CPEB2: variants seen among roughly 807,000 people sequenced by gnomAD.
CPEB2 encodes the protein cytoplasmic polyadenylation element binding protein 2.
A neutral mutation model predicts 93.6 loss-of-function variants in CPEB2; 56 were observed. The ratio of observed to expected loss-of-function variants is 0.60; its 90% CI spans 0.48 to 0.75. The LOEUF (loss-of-function observed/expected upper bound fraction) is 0.75. Among genes scored for constraint, CPEB2 ranks in the 30% least tolerant of loss-of-function variants. CPEB2 has a pLI of 0.00. For synonymous variants in CPEB2, 764 were observed against 586.3 expected, an observed-to-expected ratio of 1.30 and a Z score of -4.38; for missense variants, 1,579 against 1,395.1, an observed-to-expected ratio of 1.13 and a Z score of -2.10.
chr4:15,055,409 T>C (rs1728621861), intron 8 of CPEB2, among the ~76,000 whole-genome samples: 1 of 152,194 alleles, frequency 6.6e-6, no homozygotes, highest in African/African-American at 2.4e-5. Flanking sequence ...ATTTATTAGC[T>C]TAGTTTTAGT....
At position 15,003,486 on chromosome 4, in the gene CPEB2, C is replaced by T; in HGVS notation, c.813C>T (p.Ala271=). 2.9e-6 allele frequency: 4 copies of T among 1,399,940 alleles called. No individual in the cohort carries two copies. The highest frequency in any genetic ancestry group is 3.7e-6 in the Non-Finnish European group (4 of 1,081,810). The allele number at this position is 1,399,940 out of a possible 1,614,324, so 86.7% of individuals were successfully genotyped here. Residue 271 remains alanine, a synonymous_variant, in exon 1 of 12, where the codon GCC becomes GCT. Transcript: ENST00000538197. ...LPQLPPSPPA[A]PRRRHGGAGS... is the part of the protein sequence containing the mutation. ...AGCTCCCTCCCTCGCCGCCTGCAGC[C>T]CCGCGGCGCCGCCACGGAGGCGCGG...
chr4:15,013,120 T>G (rs981597976), intron 3 of CPEB2, among the ~76,000 whole-genome samples: 1 of 151,874 alleles, frequency 6.6e-6, no homozygotes, highest in African/African-American at 2.4e-5. Context: ...TTTCAGCCTT[T>G]CTAAGCTTTT....
chr4:15,042,909 G>T (rs1241952873), intron 6 of CPEB2, among the ~76,000 whole-genome samples: 1 of 152,122 alleles, frequency 6.6e-6, no homozygotes, highest in African/African-American at 2.4e-5. Context: ...ATCCATCAAA[G>T]AAACTGCATT....
chr4:15,029,169 A>C (rs1048631140), intron 4 of CPEB2, among the ~76,000 whole-genome samples: 31 of 152,212 alleles, frequency 2.0e-4, no homozygotes, highest in African/African-American at 6.7e-4. Flanking sequence ...TGCGGATTCA[A>C]TGTCGTATCA....
intron 5 of CPEB2, 27 bp downstream of exon 5, chr4:15,033,238 T>G: frequency 7.2e-7 from 1 of 1,396,854 alleles, no homozygotes; most frequent in Non-Finnish European, 1.0e-6. Context: ...CATTTTATGT[T>G]TCCAGTTGAT....
In CPEB2 at chr4:15,003,262, C is replaced by T; in HGVS notation, c.589C>T (p.Pro197Ser). The T allele has an allele frequency of 1.3e-6, 2 of 1,524,570 alleles. No homozygotes were observed. Among genetic ancestry groups the T allele is most frequent in the Non-Finnish European group, 1.8e-6 (2 of 1,141,776 alleles). The allele number at this position is 1,524,570 out of a possible 1,614,324, so 94.4% of individuals were successfully genotyped here. A position where few individuals can be genotyped will look rare whatever the true frequency, so the allele number is the denominator to read the frequency against. The change falls in exon 1 of 12, where the codon CCG (proline) becomes TCG (serine). Residue 197 changes from proline (P) to serine (S), a missense_variant. This residue lies in a region of CPEB2 where 1,411 missense variants were observed against 1,056.0 expected (regional missense o/e 1.34). Transcript: ENST00000538197. ...LPHPPDSKPP[P>S]PPPPLHCPGR... is the part of the protein sequence containing the mutation. ...CCACCCTCCGGACTCGAAGCCGCCG[C>T]CGCCGCCTCCGCCGCTCCACTGCCC...
intron 4 of CPEB2, among the ~76,000 whole-genome samples, chr4:15,031,419 G>C (rs976161821): frequency 1.3e-5 from 2 of 152,036 alleles, no homozygotes; most frequent in African/African-American, 2.4e-5. Context: ...GTAATGTTCC[G>C]TGTTACTGAA....
At chr4:15,018,936 T>TTATATATATATATATATATATATATATA (rs56945294) in intron 4 of CPEB2, among the ~76,000 whole-genome samples, 1 of 133,146 alleles carries the variant, frequency 7.5e-6, no homozygotes, top group Non-Finnish European at 1.6e-5. Context: ...AAGGGGAATT[T>TTATATATATATATATATATATATATATA]TATATATATA....
chr4:15,002,639 A>T lies in CPEB2; in HGVS notation c.-35A>T. On this transcript the variant is annotated 5_prime_UTR_variant, in exon 1 of 12. Transcript: ENST00000538197. ...GGCTTCCTAGGTGGGGCAGGGGACG[A>T]GGAGCGTCTCCTCCCGCTGCCGGCG... 1.4e-6 allele frequency: 2 copies of T among 1,463,424 alleles called. No individual in the cohort carries two copies. The highest frequency in any genetic ancestry group is 2.2e-5 in the Admixed American group (1 of 44,628). The allele number at this position is 1,463,424 out of a possible 1,614,324, so 90.7% of individuals were successfully genotyped here.
chr4:15,046,900 A>G (rs1301477308), intron 6 of CPEB2, among the ~76,000 whole-genome samples: 4 of 152,236 alleles, frequency 2.6e-5, no homozygotes, highest in African/African-American at 9.6e-5. Flanking sequence ...AAGGTTATGA[A>G]GAAATTCTAG....
chr4:15,003,425 C>A lies in CPEB2; in HGVS notation c.752C>A (p.Pro251Gln). The change falls in exon 1 of 12, where the codon CCG (proline) becomes CAG (glutamine). Residue 251 changes from proline (P) to glutamine (Q), a missense_variant. Transcript: ENST00000538197. ...QQHLSPQDFA[P>Q]RQRPADLPPL... is the part of the protein sequence containing the mutation. The stretch of plus-strand genomic sequence containing the variant: ...CACCTCTCGCCGCAGGACTTCGCCC[C>A]GCGGCAGCGTCCGGCAGACCTGCCC... 7.4e-7 allele frequency: 1 copy of A among 1,355,974 alleles called. No homozygotes were observed. The highest frequency in any genetic ancestry group is 9.4e-7 in the Non-Finnish European group (1 of 1,064,540). 84.0% of individuals were successfully genotyped at this position (1,355,974 alleles called of 1,614,324 possible). A position where few individuals can be genotyped will look rare whatever the true frequency, so the allele number is the denominator to read the frequency against.
intron 4 of CPEB2, among the ~76,000 whole-genome samples, chr4:15,023,491 C>T (rs1166399894): frequency 6.6e-6 from 1 of 152,014 alleles, no homozygotes; most frequent in Non-Finnish European, 1.5e-5. Context: ...CTAAAATAAT[C>T]ATAATTGATA....
Position 15,003,098 on chromosome 4 carries a change from C to T in CPEB2, c.425C>T (p.Pro142Leu). Residue 142 changes from proline (P) to leucine (L), a missense_variant, in exon 1 of 12, where the codon CCG becomes CTG. Physicochemically the swap from Pro to Leu is moderately conservative, Grantham distance 98 (BLOSUM62 -3). This residue lies in a region of CPEB2 where 1,411 missense variants were observed against 1,056.0 expected (regional missense o/e 1.34). Coordinates refer to ENST00000538197, the MANE Select transcript of CPEB2 (RefSeq NM_001177382.2). ...CTCCTCCCCTCCCAGGACTTCAAAC[C>T]GAGTCTGCACCACCCCTCCTCCTCC... ...THLLPSQDFK[P>L]SLHHPSSSSA... 1 of 1,533,698 alleles carries T rather than the reference C, an allele frequency of 6.5e-7. No homozygotes were observed. The highest frequency in any genetic ancestry group is 8.7e-7 in the Non-Finnish European group (1 of 1,146,126).
chr4:15,069,670 A>G lies in CPEB2; in HGVS notation c.*3290A>G, dbSNP rs1340544043. On this transcript the variant is annotated 3_prime_UTR_variant, in exon 12 of 12. Transcript: ENST00000538197. ...TTATTTTGTATTTTTATGTGGAAATATATAATTTTATGACACTAATTGCTA... is the reference window on the plus strand; with the variant it reads ...TTATTTTGTATTTTTATGTGGAAATGTATAATTTTATGACACTAATTGCTA... 1.3e-5 allele frequency: 2 copies of G among 152,280 alleles called. No homozygotes were observed. The highest frequency in any genetic ancestry group is 3.9e-4 in the East Asian group (2 of 5,162). 9.4% of individuals were successfully genotyped at this position (152,280 alleles called of 1,614,324 possible).
chr4:15,022,810 TTGAC>T (rs1220068898), intron 4 of CPEB2, among the ~76,000 whole-genome samples: 1 of 152,120 alleles, frequency 6.6e-6, no homozygotes, highest in East Asian at 1.9e-4. Flanking sequence ...ATTTATGAGT[TTGAC>T]TGGTAATTGA....
At chr4:15,057,605 A>C (rs1268877397) in intron 8 of CPEB2, among the ~76,000 whole-genome samples, 1 of 152,130 alleles carries the variant, frequency 6.6e-6, no homozygotes, top group Non-Finnish European at 1.5e-5. Flanking sequence ...TTGCAGTGTA[A>C]ATTTTGATGC....
chr4:15,029,918 A>G (rs1179076631), intron 4 of CPEB2, among the ~76,000 whole-genome samples: 1 of 152,136 alleles, frequency 6.6e-6, no homozygotes, highest in East Asian at 1.9e-4. Flanking sequence ...TGCACGTACC[A>G]CTTTCACTTT....
intron 3 of CPEB2, 144 bp downstream of exon 3, chr4:15,008,571 A>C: frequency 2.2e-6 from 1 of 460,516 alleles, no homozygotes; most frequent in East Asian, 3.3e-5. Flanking sequence ...TTTAAGGATC[A>C]CCTGCTTTGA....
chr4:15,050,531 C>T (rs191847703), intron 6 of CPEB2, among the ~76,000 whole-genome samples: 19 of 152,264 alleles, frequency 1.2e-4, no homozygotes, highest in East Asian at 5.8e-4. Context: ...GATCTCTATA[C>T]GTAATAAAAC....
Sources: gnomAD v4.1 joint callset for allele counts (sites outside exome capture counted in the v4.1 genomes callset) on GRCh38, gnomAD v4.1.1 for gene constraint, gnomAD v4.1.1 regional missense constraint, MANE v1.5 for transcripts, NCBI Gene and HGNC (gene_info 2026-07-23, HGNC 2026-07-21) for gene names.